ANKS1B: variants seen among roughly 807,000 people sequenced by gnomAD.
The protein encoded by ANKS1B is ankyrin repeat and sterile alpha motif domain-containing protein 1B.
ANKS1B carries 36 observed loss-of-function variants against 148.3 expected under a neutral mutation model. The observed-to-expected ratio is 0.24, with a 90% CI of 0.19 to 0.32. The LOEUF (loss-of-function observed/expected upper bound fraction) is 0.32, where lower values mean the gene tolerates loss of function less well. ANKS1B is among the 10% of genes least tolerant of loss of function. The pLI is 1.00. For synonymous variants in ANKS1B, 542 were observed against 560.8 expected (o/e 0.97, Z 0.47); for missense variants, 1,157 against 1,542.6 (o/e 0.75, Z 4.19).
intron 1 of ANKS1B, among the ~76,000 whole-genome samples, chr12:99,878,074 A>C (rs1236746538): frequency 1.3e-5 from 2 of 152,110 alleles, no homozygotes; most frequent in East Asian, 1.9e-4. Flanking sequence ...AAACAACAAC[A>C]AACAAATAGA....
intron 9 of ANKS1B, among the ~76,000 whole-genome samples, chr12:99,598,632 G>A (rs1165504989): frequency 6.6e-6 from 1 of 152,066 alleles, no homozygotes; most frequent in Non-Finnish European, 1.5e-5. Flanking sequence ...GGGACAGAGG[G>A]CCGACTTGCC....
intron 8 of ANKS1B, chr12:99,772,717 C>A (rs1356060186): frequency 2.5e-6 from 1 of 407,006 alleles, no homozygotes; most frequent in African/African-American, 2.1e-5. Flanking sequence ...AGTAGAGAGA[C>A]CATGAAGTGA....
At chr12:98,944,215 G>A (rs956745418) in intron 17 of ANKS1B, among the ~76,000 whole-genome samples, 16 of 149,602 alleles carry the variant, frequency 1.1e-4, no homozygotes, top group East Asian at 5.9e-4. Context: ...CAGGAGAATC[G>A]CTTGAACCCG....
intron 25 of ANKS1B, among the ~76,000 whole-genome samples, chr12:98,759,340 G>C (rs1364798624): frequency 6.6e-6 from 1 of 152,138 alleles, no homozygotes; most frequent in Non-Finnish European, 1.5e-5. Flanking sequence ...CTAGCCTATA[G>C]ACAATGTCCA....
In ANKS1B at chr12:99,577,292, C is replaced by CAAATAAATAAAT. The variant is rs71303566; in HGVS notation, c.1273-72663_1273-72652dup. ...GTCATTAAAAACTCTCTGTTCACAT[C>CAAATAAATAAAT]AAATAAATAAATAAATAAATAAATA... On this transcript the variant is annotated intron_variant, in intron 9 of 26. Transcript: ENST00000683438. Among the ~76,000 whole-genome samples the CAAATAAATAAAT allele has an allele frequency of 4.6e-4, 67 of 144,742 alleles. 2 individuals carry two copies. The highest frequency in any genetic ancestry group is 3.4e-3 in the East Asian group (17 of 4,934). 95.0% of individuals were successfully genotyped at this position (144,742 alleles called of 152,430 possible).
intron 11 of ANKS1B, among the ~76,000 whole-genome samples, chr12:99,439,485 TA>T (rs998845356): frequency 2.7e-5 from 4 of 150,518 alleles, no homozygotes; most frequent in African/African-American, 4.9e-5. Flanking sequence ...TGAACACCCC[TA>T]AAAAAAAGAG....
At chr12:98,850,588 C>T (rs2099518515) in intron 17 of ANKS1B, among the ~76,000 whole-genome samples, 1 of 151,448 alleles carries the variant, frequency 6.6e-6, no homozygotes, top group African/African-American at 2.4e-5. Context: ...CTGCCTCAGC[C>T]TTCTGAGTAG....
intron 8 of ANKS1B, among the ~76,000 whole-genome samples, chr12:99,657,600 G>A (rs1035497826): frequency 6.7e-6 from 1 of 149,610 alleles, no homozygotes; most frequent in Non-Finnish European, 1.5e-5. Context: ...GATCCTTTGA[G>A]TAAAATAAAA....
At position 99,489,849 on chromosome 12, in the gene ANKS1B, T is replaced by C. The variant is rs148552018; in HGVS notation, c.1438+14627A>G. 1.7e-4 allele frequency among the ~76,000 whole-genome samples: 26 copies of C among 152,342 alleles called. 1 individual carries two copies. Among genetic ancestry groups the C allele is most frequent in the African/African-American group, 5.8e-4 (24 of 41,576 alleles). ...AAAACACTAGATGATTATTTGGTAA[T>C]AAATTGAATGGTTCTATGGAAATGA... On this transcript the variant is annotated intron_variant, in intron 10 of 26. Transcript: ENST00000683438.
chr12:99,085,157 G>T, intron 15 of ANKS1B, 134 bp from the exon 16 acceptor site: 2 of 710,186 alleles, frequency 2.8e-6, no homozygotes, highest in Non-Finnish European at 4.8e-6. Flanking sequence ...TCATTCTTCC[G>T]TGAGGGTGAG....
intron 1 of ANKS1B, among the ~76,000 whole-genome samples, chr12:99,895,715 C>G (rs1184199482): frequency 6.6e-6 from 1 of 150,946 alleles, no homozygotes; most frequent in African/African-American, 2.4e-5. Flanking sequence ...CTTAACACAC[C>G]AGCACACCTC....
chr12:99,152,441 G>T (rs947103207), intron 15 of ANKS1B, among the ~76,000 whole-genome samples: 9 of 151,950 alleles, frequency 5.9e-5, no homozygotes, highest in African/African-American at 1.9e-4. Flanking sequence ...ATTAGACCTT[G>T]GTTACATCAT....
chr12:99,541,686 C>A (rs1041192537), intron 9 of ANKS1B, among the ~76,000 whole-genome samples: 1 of 151,972 alleles, frequency 6.6e-6, no homozygotes, highest in Non-Finnish European at 1.5e-5. Flanking sequence ...GAAACCCCAT[C>A]TCTACTAAAA....
At chr12:98,823,981 G>A (rs189830366) in intron 19 of ANKS1B, among the ~76,000 whole-genome samples, 9 of 152,358 alleles carry the variant, frequency 5.9e-5, no homozygotes, top group Admixed American at 5.2e-4. Context: ...CAAAGTGTTT[G>A]CCTCATGGCT....
At chr12:99,637,794 T>A (rs993549509) in intron 9 of ANKS1B, among the ~76,000 whole-genome samples, 2 of 147,282 alleles carry the variant, frequency 1.4e-5, no homozygotes, top group Admixed American at 6.8e-5. Flanking sequence ...CCCCTTTCTA[T>A]ATATATATAA....
chr12:99,482,480 C>A (rs2096427433), intron 10 of ANKS1B, among the ~76,000 whole-genome samples: 1 of 151,852 alleles, frequency 6.6e-6, no homozygotes, highest in African/African-American at 2.4e-5. Context: ...CAGATTTGTT[C>A]TTTTTGCTTA....
At chr12:99,712,720 T>C (rs930588813) in intron 8 of ANKS1B, among the ~76,000 whole-genome samples, 1 of 152,114 alleles carries the variant, frequency 6.6e-6, no homozygotes, top group Admixed American at 6.5e-5. Context: ...GGCACAGGCA[T>C]AAGATAATCA....
At chr12:99,900,713 A>G (rs1373036825) in intron 1 of ANKS1B, among the ~76,000 whole-genome samples, 1 of 152,144 alleles carries the variant, frequency 6.6e-6, no homozygotes, top group Non-Finnish European at 1.5e-5. Flanking sequence ...TGTCTCAGCC[A>G]AAATCACAGT....
intron 8 of ANKS1B, among the ~76,000 whole-genome samples, chr12:99,730,160 T>C (rs1395887933): frequency 1.3e-5 from 2 of 152,252 alleles, no homozygotes; most frequent in Non-Finnish European, 2.9e-5. Context: ...TAAATTGTTC[T>C]ATAGACTAAT....
Sources: allele counts gnomAD v4.1 joint callset (sites outside exome capture counted in the v4.1 genomes callset), GRCh38; gene constraint gnomAD v4.1.1; transcripts MANE v1.5; gene names NCBI Gene and HGNC (gene_info 2026-07-23, HGNC 2026-07-21).